ALDH1L2: variants seen among roughly 807,000 people sequenced by gnomAD.
The protein encoded by ALDH1L2 is mitochondrial 10-formyltetrahydrofolate dehydrogenase.
ALDH1L2 carries 91 observed loss-of-function variants against 111.0 expected under a neutral mutation model. The ratio of observed to expected loss-of-function variants is 0.82; its 90% CI spans 0.69 to 0.98. The LOEUF is 0.98. Ranked by LOEUF, ALDH1L2 falls within the 50% of genes least tolerant of loss-of-function variation. The probability of loss-of-function intolerance (pLI) is 0.00; values close to 1 mark genes in which losing one functional copy is unlikely to be tolerated. For missense variants in ALDH1L2, 995 were observed against 1,126.8 expected, an observed-to-expected ratio of 0.88 and a Z score of 1.67; for synonymous variants, 374 against 392.6, an observed-to-expected ratio of 0.95 and a Z score of 0.56.
rs61242687 is a variant in ALDH1L2, at chr12:105,070,823, AT to A, written c.194-20del. ...GCCAAAGCTGAGCATAAAAAAGAAG[AT>A]TTTTTTTTTAGAAGTTAGCCATAAT... On this transcript the variant is annotated intron_variant, in intron 2 of 22. Coordinates refer to ENST00000258494, the MANE Select transcript of ALDH1L2 (RefSeq NM_001034173.4). 3.7e-3 allele frequency: 5,469 copies of A among 1,464,302 alleles called. 96 individuals carry two copies. In the African/African-American group the frequency reaches 0.049, roughly 13 times the overall value. The allele number at this position is 1,464,302 out of a possible 1,614,324, so 90.7% of individuals were successfully genotyped here.
chr12:105,036,137 C>T (rs1241315335), intron 18 of ALDH1L2, among the ~76,000 whole-genome samples: 8 of 40,758 alleles, frequency 2.0e-4, no homozygotes, highest in Admixed American at 3.1e-4. Flanking sequence ...TATATATATA[C>T]GTATATTTAT....
At chr12:105,038,258 T>TCACA in intron 17 of ALDH1L2, 56 bp from the exon 18 acceptor site, 42 of 707,514 alleles carry the variant, frequency 5.9e-5, no homozygotes, top group South Asian at 1.0e-4. Context: ...TCTCTCTCTC[T>TCACA]CTCACACACA....
intron 15 of ALDH1L2, among the ~76,000 whole-genome samples, chr12:105,046,199 A>ATATAT (rs1297266053): frequency 4.6e-5 from 1 of 21,512 alleles, no homozygotes; most frequent in Non-Finnish European, 8.1e-5. Flanking sequence ...CTCTCTATAT[A>ATATAT]TATATATATA....
At chr12:105,079,602 G>A (rs1878238382) in intron 1 of ALDH1L2, among the ~76,000 whole-genome samples, 3 of 152,134 alleles carry the variant, frequency 2.0e-5, no homozygotes, top group Non-Finnish European at 4.4e-5. Context: ...AAGGGCTCGA[G>A]TCCAGAAACG....
At chr12:105,036,234 CACGTATATTTATAT>C (rs1875053332) in intron 18 of ALDH1L2, among the ~76,000 whole-genome samples, 1 of 35,772 alleles carries the variant, frequency 2.8e-5, no homozygotes, top group Non-Finnish European at 4.3e-5. Context: ...ATAATATATA[CACGTATATTTATAT>C]ATGTGTATAT....
intron 15 of ALDH1L2, among the ~76,000 whole-genome samples, chr12:105,044,225 G>A (rs1431346978): frequency 6.6e-6 from 1 of 152,140 alleles, no homozygotes; most frequent in East Asian, 1.9e-4. Context: ...CAACTGGTAT[G>A]CACTCAAAGA....
At chr12:105,035,839 ATGTGTGTGTGTG>A (rs1159145670) in intron 18 of ALDH1L2, among the ~76,000 whole-genome samples, 1 of 100,244 alleles carries the variant, frequency 1.0e-5, no homozygotes, top group African/African-American at 6.1e-5. Context: ...ATATATATAT[ATGTGTGTGTGTG>A]TGTGTGTGTG....
chr12:105,074,697 C>A (rs750898852), intron 1 of ALDH1L2, among the ~76,000 whole-genome samples: 2 of 152,046 alleles, frequency 1.3e-5, no homozygotes, highest in Non-Finnish European at 2.9e-5. Flanking sequence ...ATTAGTAAAG[C>A]CTCACTGAGA....
At position 105,046,213 on chromosome 12, in the gene ALDH1L2, ATATATATATTTTTTTTTTTTTTTTT is replaced by A. The variant is rs1875882652; in HGVS notation, c.1863+472_1863+496del. 9.2e-5 allele frequency among the ~76,000 whole-genome samples: 4 copies of A among 43,398 alleles called. 1 individual carries two copies. In the South Asian group the frequency reaches 4.4e-3, roughly 48 times the overall value. 28.5% of individuals were successfully genotyped at this position (43,398 alleles called of 152,430 possible). ...TCTCTCTATATATATATATATATAT[ATATATATATTTTTTTTTTTTTTTTT>A]TTTTTTTTTTTTTGTGAGACAGAGT... On this transcript the variant is annotated intron_variant, in intron 15 of 22. Transcript: ENST00000258494.
chr12:105,077,479 G>A (rs925228914), intron 1 of ALDH1L2, among the ~76,000 whole-genome samples: 5 of 149,592 alleles, frequency 3.3e-5, no homozygotes, highest in Non-Finnish European at 4.4e-5. Context: ...GGGTTTCATC[G>A]TGTTGCCCAG....
intron 15 of ALDH1L2, 94 bp from the exon 16 acceptor site, chr12:105,040,788 A>T: frequency 2.1e-6 from 2 of 970,308 alleles, no homozygotes; most frequent in Non-Finnish European, 1.6e-6. Flanking sequence ...ACTAGATCTC[A>T]TTTTATTTTT....
intron 4 of ALDH1L2, among the ~76,000 whole-genome samples, chr12:105,067,957 A>G (rs1208010730): frequency 6.6e-6 from 1 of 152,230 alleles, no homozygotes; most frequent in Non-Finnish European, 1.5e-5. Flanking sequence ...TCCATGCTGT[A>G]TAGATGAAGA....
intron 15 of ALDH1L2, among the ~76,000 whole-genome samples, chr12:105,046,193 C>CTCTCTCTCTA (rs1256472590): frequency 1.5e-4 from 3 of 20,184 alleles, no homozygotes; most frequent in African/African-American, 2.3e-4. Flanking sequence ...CTCTCTCTCT[C>CTCTCTCTCTA]TATATATATA....
chr12:105,042,787 T>C (rs1040544034), intron 15 of ALDH1L2, among the ~76,000 whole-genome samples: 22 of 152,174 alleles, frequency 1.4e-4, no homozygotes, highest in Admixed American at 9.8e-4. Flanking sequence ...CATATTTTCT[T>C]ATTTTCCCTT....
At chr12:105,057,879 C>A (rs756227550) in intron 10 of ALDH1L2, among the ~76,000 whole-genome samples, 194 bp downstream of exon 10, 1 of 152,068 alleles carries the variant, frequency 6.6e-6, no homozygotes, top group Non-Finnish European at 1.5e-5. Flanking sequence ...AATTGCACAA[C>A]CCTGTGAATA....
At position 105,021,651 on chromosome 12, in the gene ALDH1L2, T is replaced by C. The variant is rs1450920436; in HGVS notation, c.*2773A>G. 6.6e-6 allele frequency: 1 copy of C among 152,062 alleles called. No homozygotes were observed. Among genetic ancestry groups the C allele is most frequent in the African/African-American group, 2.4e-5 (1 of 41,400 alleles). The allele number at this position is 152,062 out of a possible 1,614,324, so 9.4% of individuals were successfully genotyped here. A position where few individuals can be genotyped will look rare whatever the true frequency, so the allele number is the denominator to read the frequency against. On this transcript the variant is annotated 3_prime_UTR_variant, in exon 23 of 23. Transcript: ENST00000258494. ...TAAGAAAAGCACGTTGATTTCTTCA[T>C]TTTTTTCAGAGATTGTGAAGATTAA...
chr12:105,075,535 A>T (rs1878005120), intron 1 of ALDH1L2, among the ~76,000 whole-genome samples: 1 of 152,226 alleles, frequency 6.6e-6, no homozygotes. Context: ...CAGTGAGCTG[A>T]GATCGCACCA....
At position 105,036,422 on chromosome 12, in the gene ALDH1L2, A is replaced by C. The variant is rs1328532705; in HGVS notation, c.2145+1681T>G. ...ATATATTATATATATACGTATATTTATATATGTGTATATATTATATATATC... is the reference window on the plus strand; with the variant it reads ...ATATATTATATATATACGTATATTTCTATATGTGTATATATTATATATATC... On this transcript the variant is annotated intron_variant, in intron 18 of 22. Transcript: ENST00000258494. Among the ~76,000 whole-genome samples, 2 of 59,304 alleles carry C rather than the reference A, an allele frequency of 3.4e-5. 1 individual carries two copies. Among genetic ancestry groups the C allele is most frequent in the Non-Finnish European group, 5.7e-5 (2 of 34,802 alleles). 38.9% of individuals were successfully genotyped at this position (59,304 alleles called of 152,430 possible).
chr12:105,046,872 C>A (rs750255897), intron 14 of ALDH1L2, 27 bp downstream of exon 14: 10 of 1,613,358 alleles, frequency 6.2e-6, no homozygotes, highest in Non-Finnish European at 8.5e-6. Context: ...ACTCATGATT[C>A]ACTCAGAGGC....
Sources: gnomAD v4.1 joint callset for allele counts (sites outside exome capture counted in the v4.1 genomes callset) on GRCh38, gnomAD v4.1.1 for gene constraint, MANE v1.5 for transcripts, NCBI Gene and HGNC (gene_info 2026-07-23, HGNC 2026-07-21) for gene names.